TNIK: variants seen among roughly 807,000 people sequenced by gnomAD.
TNIK encodes TRAF2 and NCK-interacting protein kinase.
A neutral mutation model predicts 191.3 loss-of-function variants in TNIK; 49 were observed. That is an observed-to-expected ratio of 0.26 (90% CI 0.20 to 0.32). The LOEUF is 0.32. Among genes scored for constraint, TNIK ranks in the 10% least tolerant of loss-of-function variants. The pLI, the probability that TNIK is intolerant of heterozygous loss-of-function variation, is 1.00. For synonymous variants in TNIK, 594 were observed against 600.9 expected, an observed-to-expected ratio of 0.99 and a Z score of 0.17; for missense variants, 1,155 against 1,702.3, an observed-to-expected ratio of 0.68 and a Z score of 5.66.
intron 1 of TNIK, among the ~76,000 whole-genome samples, chr3:171,443,879 T>G: frequency 6.6e-6 from 1 of 152,178 alleles, no homozygotes; most frequent in Middle Eastern, 3.2e-3. Flanking sequence ...TTAATGATAT[T>G]AACACCTCTT....
chr3:171,151,511 C>T (rs1318966575), intron 12 of TNIK, among the ~76,000 whole-genome samples: 1 of 152,168 alleles, frequency 6.6e-6, no homozygotes. Context: ...GTGATGTCGG[C>T]AGGCTTTGTA....
intron 18 of TNIK, among the ~76,000 whole-genome samples, chr3:171,122,729 TGAA>T (rs1560145871): frequency 6.6e-6 from 1 of 152,188 alleles, no homozygotes; most frequent in African/African-American, 2.4e-5. Context: ...ATGAACACAA[TGAA>T]GAAGAAAACA....
chr3:171,155,736 C>A (rs990176228), intron 12 of TNIK, among the ~76,000 whole-genome samples: 1 of 152,216 alleles, frequency 6.6e-6, no homozygotes, highest in Admixed American at 6.5e-5. Flanking sequence ...GCCACAGATT[C>A]TGTGCCCTTG....
intron 1 of TNIK, among the ~76,000 whole-genome samples, chr3:171,407,439 T>C (rs1448619696): frequency 6.6e-6 from 1 of 152,182 alleles, no homozygotes; most frequent in Non-Finnish European, 1.5e-5. Context: ...TCATTTTAAT[T>C]GGAATGGGGT....
intron 1 of TNIK, among the ~76,000 whole-genome samples, chr3:171,454,849 C>A (rs1457990498): frequency 6.6e-6 from 1 of 152,166 alleles, no homozygotes; most frequent in East Asian, 1.9e-4. Flanking sequence ...GTTTTAAATA[C>A]TGGGCCATTA....
At chr3:171,081,274 A>G (rs1398267073) in intron 27 of TNIK, among the ~76,000 whole-genome samples, 1 of 152,094 alleles carries the variant, frequency 6.6e-6, no homozygotes, top group African/African-American at 2.4e-5. Context: ...AGAAAGAGGA[A>G]GTTTAGTGAC....
chr3:171,063,962 T>C lies in TNIK; in HGVS notation c.4002A>G (p.Val1334=), dbSNP rs761429782. The C allele has an allele frequency of 6.2e-7, 1 of 1,613,518 alleles. No homozygotes were observed. The highest frequency in any genetic ancestry group is 8.5e-7 in the Non-Finnish European group (1 of 1,179,636). ...CTCCAGATCGCACGGATGCAAAAAA[T>C]ACCTGTTTGAAATTAAAAAGAAGTT... ...LKFLCERNDK[V]FFASVRSGGS... is the part of the protein sequence containing the mutation. Residue 1334 remains valine, a splice_region_variant and synonymous_variant, in exon 33 of 33, where the codon GTA becomes GTG. Transcript: ENST00000436636.
chr3:171,444,973 C>T (rs1275440869), intron 1 of TNIK, among the ~76,000 whole-genome samples: 1 of 152,010 alleles, frequency 6.6e-6, no homozygotes, highest in Non-Finnish European at 1.5e-5. Context: ...CCTTGGCCTC[C>T]CAAAGTGCTG....
At chr3:171,140,331 C>T (rs1043480578) in intron 13 of TNIK, 68 bp downstream of exon 13, 10 of 1,302,494 alleles carry the variant, frequency 7.7e-6, no homozygotes, top group Non-Finnish European at 7.3e-6. Context: ...AGGTGACCCA[C>T]ACCCCAGAGA....
intron 4 of TNIK, among the ~76,000 whole-genome samples, chr3:171,201,692 C>T (rs900134690): frequency 1.3e-5 from 2 of 152,106 alleles, no homozygotes; most frequent in African/African-American, 4.8e-5. Flanking sequence ...GGTAGGTATA[C>T]ATTTGAATAC....
At chr3:171,279,704 A>G (rs1273226777) in intron 2 of TNIK, among the ~76,000 whole-genome samples, 1 of 152,210 alleles carries the variant, frequency 6.6e-6, no homozygotes, top group African/African-American at 2.4e-5. Context: ...GATGATGATG[A>G]CAAATGCCTT....
intron 2 of TNIK, among the ~76,000 whole-genome samples, chr3:171,357,789 A>G (rs1236092811): frequency 6.6e-6 from 1 of 152,146 alleles, no homozygotes; most frequent in Admixed American, 6.5e-5. Flanking sequence ...GGGGGTGAGG[A>G]AGGGCACAGC....
chr3:171,097,623 G>C (rs1722898330), intron 22 of TNIK, among the ~76,000 whole-genome samples: 1 of 152,178 alleles, frequency 6.6e-6, no homozygotes. Context: ...ATGCTCTCTT[G>C]CCTGCTGCCA....
intron 1 of TNIK, among the ~76,000 whole-genome samples, chr3:171,407,000 G>T (rs771502882): frequency 3.0e-4 from 46 of 152,340 alleles, no homozygotes; most frequent in Non-Finnish European, 4.9e-4. Context: ...GGAAGTGGGG[G>T]AATGGGAGTG....
intron 2 of TNIK, among the ~76,000 whole-genome samples, chr3:171,342,622 G>A (rs1490314922): frequency 6.6e-6 from 1 of 152,172 alleles, no homozygotes; most frequent in African/African-American, 2.4e-5. Context: ...ACATAAGGTT[G>A]TATTAGAATA....
intron 1 of TNIK, among the ~76,000 whole-genome samples, chr3:171,457,497 C>T (rs1189927525): frequency 6.6e-6 from 1 of 152,168 alleles, no homozygotes; most frequent in Non-Finnish European, 1.5e-5. Context: ...CAGGCATTCC[C>T]CAGGAGGGGC....
chr3:171,411,069 T>C (rs2108602985), intron 1 of TNIK, among the ~76,000 whole-genome samples: 1 of 128,934 alleles, frequency 7.8e-6, no homozygotes, highest in Middle Eastern at 5.2e-3. Flanking sequence ...CAATAATCTT[T>C]TTTTTTTTTT....
chr3:171,372,066 T>C (rs1441874143), intron 1 of TNIK, among the ~76,000 whole-genome samples: 1 of 152,170 alleles, frequency 6.6e-6, no homozygotes. Context: ...AATCAGCTTC[T>C]ACATCCAAAG....
intron 1 of TNIK, among the ~76,000 whole-genome samples, chr3:171,377,952 G>T (rs1405521618): frequency 6.6e-6 from 1 of 152,138 alleles, no homozygotes; most frequent in East Asian, 1.9e-4. Context: ...TCTACAAATG[G>T]CCAATGCTGA....
Sources: gnomAD v4.1 joint callset for allele counts (sites outside exome capture counted in the v4.1 genomes callset) on GRCh38, gnomAD v4.1.1 for gene constraint, MANE v1.5 for transcripts, NCBI Gene and HGNC (gene_info 2026-07-23, HGNC 2026-07-21) for gene names.